The following RAB3C variants were observed in gnomAD, a reference collection of about 807,000 sequenced individuals.
RAB3C encodes RAB3C, member RAS oncogene family.
Under a neutral mutation model 26.4 loss-of-function variants are expected in RAB3C, and 17 were observed. That is an observed-to-expected ratio of 0.64 (90% CI 0.44 to 0.97). RAB3C has a LOEUF of 0.97. Among genes scored for constraint, RAB3C ranks in the 50% least tolerant of loss-of-function variants. The pLI is 0.00. For missense variants in RAB3C, 242 were observed against 281.9 expected, an observed-to-expected ratio of 0.86 and a Z score of 1.01; for synonymous variants, 91 against 95.9, an observed-to-expected ratio of 0.95 and a Z score of 0.30.
chr5:58,717,180 AAAAAGGC>A (rs1749189696), intron 2 of RAB3C, among the ~76,000 whole-genome samples: 2 of 152,126 alleles, frequency 1.3e-5, no homozygotes, highest in Non-Finnish European at 2.9e-5. Flanking sequence ...AGCCCAGTTT[AAAAAGGC>A]AAAATTGTCA....
chr5:58,837,557 CTTTTTTT>C (rs36020735), intron 4 of RAB3C, among the ~76,000 whole-genome samples: 20 of 118,898 alleles, frequency 1.7e-4, no homozygotes, highest in Non-Finnish European at 2.3e-4. Context: ...TTCAGTCTCT[CTTTTTTT>C]TTTTTTTTTT....
At chr5:58,679,957 G>T (rs1372056049) in intron 2 of RAB3C, among the ~76,000 whole-genome samples, 2 of 152,114 alleles carry the variant, frequency 1.3e-5, no homozygotes, top group Non-Finnish European at 2.9e-5. Context: ...GCAGATTTTT[G>T]TGTCATTCTA....
chr5:58,737,362 A>G (rs1471855537), intron 3 of RAB3C, among the ~76,000 whole-genome samples: 3 of 124,506 alleles, frequency 2.4e-5, no homozygotes, highest in Admixed American at 8.8e-5. Flanking sequence ...TCTCTGTTTT[A>G]TGTCTTTTTC....
intron 2 of RAB3C, among the ~76,000 whole-genome samples, chr5:58,698,831 T>C (rs1169957777): frequency 2.6e-5 from 4 of 152,186 alleles, no homozygotes; most frequent in Non-Finnish European, 5.9e-5. Context: ...TCGCCTAATC[T>C]TTTTTCAATG....
chr5:58,757,951 T>A (rs1741710847), intron 3 of RAB3C, among the ~76,000 whole-genome samples: 1 of 152,160 alleles, frequency 6.6e-6, no homozygotes, highest in Non-Finnish European at 1.5e-5. Context: ...TTTGTTTTGT[T>A]TTGTTTTTGA....
intron 4 of RAB3C, among the ~76,000 whole-genome samples, chr5:58,838,294 G>A (rs994705555): frequency 9.9e-5 from 15 of 151,696 alleles, no homozygotes; most frequent in Non-Finnish European, 1.9e-4. Flanking sequence ...GCAGGAGAAT[G>A]GCATGAACCT....
intron 3 of RAB3C, among the ~76,000 whole-genome samples, chr5:58,812,334 T>C (rs2112041529): frequency 6.6e-6 from 1 of 152,208 alleles, no homozygotes; most frequent in Middle Eastern, 3.4e-3. Context: ...CCCGATGCCA[T>C]TCCTGGTGCT....
intron 3 of RAB3C, among the ~76,000 whole-genome samples, chr5:58,734,404 G>A (rs1045885025): frequency 6.6e-6 from 1 of 152,074 alleles, no homozygotes; most frequent in African/African-American, 2.4e-5. Context: ...CAGCTCAGAG[G>A]GGGCAGTGGT....
At chr5:58,797,339 C>G (rs1202817985) in intron 3 of RAB3C, among the ~76,000 whole-genome samples, 1 of 12,754 alleles carries the variant, frequency 7.8e-5, no homozygotes, top group African/African-American at 2.1e-4. Context: ...CCCTGGAAGA[C>G]AAAAAAAAAA....
At chr5:58,772,136 G>A (rs1742041699) in intron 3 of RAB3C, among the ~76,000 whole-genome samples, 1 of 152,166 alleles carries the variant, frequency 6.6e-6, no homozygotes, top group Admixed American at 6.6e-5. Context: ...TATATGAAAT[G>A]CATGGGCTAA....
intron 3 of RAB3C, among the ~76,000 whole-genome samples, chr5:58,766,887 C>G (rs1444311234): frequency 6.6e-6 from 1 of 152,156 alleles, no homozygotes; most frequent in Non-Finnish European, 1.5e-5. Context: ...AAGCTGATTC[C>G]AAACATACAG....
At chr5:58,657,005 G>A (rs969119072) in intron 2 of RAB3C, among the ~76,000 whole-genome samples, 1 of 134,952 alleles carries the variant, frequency 7.4e-6, no homozygotes, top group South Asian at 2.5e-4. Context: ...CAAGCAACTA[G>A]TGGATAAAGA....
At chr5:58,766,918 G>A (rs983631895) in intron 3 of RAB3C, among the ~76,000 whole-genome samples, 4 of 152,162 alleles carry the variant, frequency 2.6e-5, no homozygotes, top group African/African-American at 9.7e-5. Context: ...TAAGTACCAC[G>A]AAGTTAGAGG....
chr5:58,754,608 G>T (rs183832664), intron 3 of RAB3C, among the ~76,000 whole-genome samples: 1 of 152,250 alleles, frequency 6.6e-6, no homozygotes, highest in Admixed American at 6.5e-5. Context: ...CCCAGTTACC[G>T]CAGACCAAGT....
chr5:58,823,131 T>G (rs1038747912), intron 3 of RAB3C: 2 of 414,192 alleles, frequency 4.8e-6, no homozygotes, highest in Admixed American at 3.1e-5. Flanking sequence ...GCAGATTACA[T>G]GCATTACCTA....
rs916545513 is a variant in RAB3C, at chr5:58,753,991, G to A, written c.371+27871G>A. ...CTTGCCAACATTAGTGGGCCAAGAC[G>A]TGTCAGATGCTGCTTTCAGCTTGGG... On this transcript the variant is annotated intron_variant, in intron 3 of 4. Coordinates refer to ENST00000282878, the MANE Select transcript of RAB3C (RefSeq NM_138453.4). 1.1e-4 allele frequency among the ~76,000 whole-genome samples: 16 copies of A among 152,278 alleles called. No individual in the cohort carries two copies. The East Asian group carries it at 1.2e-3, about 11-fold the overall frequency.
chr5:58,770,248 G>C (rs1325430643), intron 3 of RAB3C, among the ~76,000 whole-genome samples: 5 of 152,118 alleles, frequency 3.3e-5, no homozygotes, highest in Admixed American at 3.3e-4. Flanking sequence ...TTCTCAACTA[G>C]AGTAGAAAAG....
chr5:58,826,215 A>C lies in RAB3C; in HGVS notation c.496+1053A>C, dbSNP rs765585106. Among the ~76,000 whole-genome samples, 4 of 152,174 alleles carry C rather than the reference A, an allele frequency of 2.6e-5. No individual in the cohort carries two copies. In the South Asian group the frequency reaches 8.3e-4, roughly 32 times the overall value. ...TGGAAATGAATACACCAAGAGGAAG[A>C]GATGAGTGATGAGGGGAGATGGAGA... On this transcript the variant is annotated intron_variant, in intron 4 of 4. Coordinates refer to ENST00000282878, the MANE Select transcript of RAB3C (RefSeq NM_138453.4).
intron 1 of RAB3C, among the ~76,000 whole-genome samples, chr5:58,597,311 A>C (rs1366521293): frequency 9.0e-5 from 10 of 111,700 alleles, no homozygotes; most frequent in African/African-American, 3.4e-4. Flanking sequence ...ATAATATGTA[A>C]TACACAATAT....
Sources: gnomAD v4.1 joint callset for allele counts (sites outside exome capture counted in the v4.1 genomes callset) on GRCh38, gnomAD v4.1.1 for gene constraint, MANE v1.5 for transcripts, NCBI Gene and HGNC (gene_info 2026-07-23, HGNC 2026-07-21) for gene names.